The following FBXW4 variants were observed in gnomAD, a reference collection of about 807,000 sequenced individuals.
FBXW4 encodes F-box/WD repeat-containing protein 4.
FBXW4 carries 40 observed loss-of-function variants against 61.8 expected under a neutral mutation model. The ratio of observed to expected loss-of-function variants is 0.65; its 90% confidence interval spans 0.50 to 0.84. The LOEUF is 0.84. Ranked by LOEUF, FBXW4 falls within the 40% of genes least tolerant of loss-of-function variation. FBXW4 has a pLI of 0.00. For missense variants in FBXW4, 672 were observed against 753.8 expected, an observed-to-expected ratio of 0.89 and a Z score of 1.27; for synonymous variants, 311 against 313.8, an observed-to-expected ratio of 0.99 and a Z score of 0.10.
At chr10:101,639,522 T>G (rs2064033513) in intron 5 of FBXW4, among the ~76,000 whole-genome samples, 1 of 152,224 alleles carries the variant, frequency 6.6e-6, no homozygotes, top group Non-Finnish European at 1.5e-5. Context: ...AGACACCTAT[T>G]GTTCTGTGTG....
intron 5 of FBXW4, among the ~76,000 whole-genome samples, chr10:101,638,270 GT>G (rs765670779): frequency 4.6e-5 from 7 of 152,182 alleles, no homozygotes; most frequent in Admixed American, 2.0e-4. Flanking sequence ...GAATGCTGCA[GT>G]CAAAAAGAAC....
At chr10:101,656,685 T>C (rs578156188) in intron 5 of FBXW4, among the ~76,000 whole-genome samples, 3 of 152,290 alleles carry the variant, frequency 2.0e-5, no homozygotes, top group Admixed American at 2.0e-4. Context: ...ATGGCTTTGC[T>C]GTGGGAAGGA....
At chr10:101,622,543 C>G (rs1035750253) in intron 6 of FBXW4, among the ~76,000 whole-genome samples, 6 of 151,838 alleles carry the variant, frequency 4.0e-5, no homozygotes, top group Admixed American at 1.3e-4. Context: ...CTGGCTAACA[C>G]AGTGAAATCC....
chr10:101,616,809 T>A (rs986027095), intron 6 of FBXW4, among the ~76,000 whole-genome samples: 6 of 152,242 alleles, frequency 3.9e-5, no homozygotes, highest in African/African-American at 1.2e-4. Context: ...CAGACAGCCA[T>A]GAGGCTTTTG....
intron 4 of FBXW4, among the ~76,000 whole-genome samples, chr10:101,672,002 G>A (rs2064362067): frequency 6.6e-6 from 1 of 152,142 alleles, no homozygotes; most frequent in Non-Finnish European, 1.5e-5. Context: ...TCACCAGAGG[G>A]TACATGCAGT....
intron 5 of FBXW4, among the ~76,000 whole-genome samples, chr10:101,635,679 G>A (rs2063995149): frequency 5.3e-5 from 8 of 151,886 alleles, no homozygotes; most frequent in Admixed American, 5.2e-4. Context: ...TACAAAATAT[G>A]AAAAAAATTA....
chr10:101,694,926 G>C lies in FBXW4; in HGVS notation c.180C>G (p.Pro60=). 2 of 1,239,118 alleles carry C rather than the reference G, an allele frequency of 1.6e-6. No individual in the cohort carries two copies. The highest frequency in any genetic ancestry group is 2.0e-6 in the Non-Finnish European group (2 of 992,112). The allele number at this position is 1,239,118 out of a possible 1,614,324, so 76.8% of individuals were successfully genotyped here. ...CTGCCTCCTTCGCCGTCTGCGGCCC[G>C]GGCTTCCCTTCCGCCCCGCTTCCTC... ...GGRGSGAEGK[P]GPQTAKEAAG... is the part of the protein sequence containing the mutation. Residue 60 remains proline, a synonymous_variant, in exon 1 of 9, where the codon CCC becomes CCG. Coordinates refer to ENST00000331272, the MANE Select transcript of FBXW4 (RefSeq NM_022039.4). This position sits in a 1 kb window ranked among gnomAD's most constrained non-coding sequence, Gnocchi z 6.0.
At chr10:101,624,990 G>A (rs1320224917) in intron 5 of FBXW4, 180 bp from the exon 6 acceptor site, 3 of 681,502 alleles carry the variant, frequency 4.4e-6, no homozygotes, top group Non-Finnish European at 7.8e-6. Flanking sequence ...CACTGTGAGG[G>A]GTGTAGCCCC....
intron 5 of FBXW4, among the ~76,000 whole-genome samples, chr10:101,641,512 C>G (rs1159148420): frequency 6.6e-6 from 1 of 152,082 alleles, no homozygotes; most frequent in African/African-American, 2.4e-5. Flanking sequence ...ATAAATCTGA[C>G]TATAGGAGCA....
chr10:101,640,002 CG>C (rs2064037348), intron 5 of FBXW4, among the ~76,000 whole-genome samples: 2 of 152,198 alleles, frequency 1.3e-5, no homozygotes, highest in African/African-American at 4.8e-5. Context: ...AGTAACTGCT[CG>C]GCTTCTCACC....
At chr10:101,643,735 C>G (rs185264109) in intron 5 of FBXW4, among the ~76,000 whole-genome samples, 1 of 152,200 alleles carries the variant, frequency 6.6e-6, no homozygotes, top group Non-Finnish European at 1.5e-5. Flanking sequence ...CTGTCCCTCC[C>G]TCTTCCCTCC....
chr10:101,673,168 T>C (rs1249990517), intron 3 of FBXW4, 121 bp from the exon 4 acceptor site: 2 of 1,260,048 alleles, frequency 1.6e-6, no homozygotes, highest in African/African-American at 3.0e-5. Context: ...CATTAGACAA[T>C]TCAGCCCAGT....
Position 101,621,353 on chromosome 10 carries a change from C to A in FBXW4, c.1301+3392G>T, listed in dbSNP as rs2063865513. Reference sequence around the variant, plus strand: ...ACCAGCCTGGGCAACATAGCGAGACCTTGTCTCTACAAAAAAATTTAAAAG... The same window carrying A: ...ACCAGCCTGGGCAACATAGCGAGACATTGTCTCTACAAAAAAATTTAAAAG... On this transcript the variant is annotated intron_variant, in intron 6 of 8. Transcript: ENST00000331272. 2.0e-5 allele frequency among the ~76,000 whole-genome samples: 3 copies of A among 152,308 alleles called. No individual in the cohort carries two copies. In the South Asian group the frequency reaches 6.2e-4, roughly 32 times the overall value.
At chr10:101,615,124 C>A (rs1589736732) in intron 6 of FBXW4, among the ~76,000 whole-genome samples, 1 of 152,274 alleles carries the variant, frequency 6.6e-6, no homozygotes, top group East Asian at 1.9e-4. Context: ...CAAATTCAGA[C>A]ATTTCACCCC....
intron 1 of FBXW4, among the ~76,000 whole-genome samples, chr10:101,692,551 T>C (rs975424341): frequency 1.3e-5 from 2 of 151,732 alleles, no homozygotes; most frequent in Non-Finnish European, 2.9e-5. Flanking sequence ...AGGTCGGCAG[T>C]TCGAGACCAA....
intron 5 of FBXW4, among the ~76,000 whole-genome samples, chr10:101,650,778 G>A (rs1370564019): frequency 6.6e-6 from 1 of 152,144 alleles, no homozygotes; most frequent in Non-Finnish European, 1.5e-5. Flanking sequence ...AAGACTTGAG[G>A]CCCCCCAGCC....
At chr10:101,682,272 A>T (rs186387383) in intron 1 of FBXW4, among the ~76,000 whole-genome samples, 6 of 152,344 alleles carry the variant, frequency 3.9e-5, no homozygotes, top group African/African-American at 1.2e-4. Flanking sequence ...TACACATGTT[A>T]AGGCTAAAAT....
At chr10:101,652,908 C>T (rs898761073) in intron 5 of FBXW4, among the ~76,000 whole-genome samples, 1 of 152,154 alleles carries the variant, frequency 6.6e-6, no homozygotes. Flanking sequence ...TTTCTCCTTG[C>T]TCCACTGTCT....
chr10:101,679,434 C>T (rs1256292885), intron 1 of FBXW4, among the ~76,000 whole-genome samples: 3 of 152,030 alleles, frequency 2.0e-5, no homozygotes, highest in African/African-American at 7.2e-5. Context: ...CAATAAGCAA[C>T]TGTCTTTGAT....
Sources: gnomAD v4.1 joint callset for allele counts (sites outside exome capture counted in the v4.1 genomes callset) on GRCh38, gnomAD v4.1.1 for gene constraint, Gnocchi (gnomAD v3.1) non-coding constraint, MANE v1.5 for transcripts, NCBI Gene and HGNC (gene_info 2026-07-23, HGNC 2026-07-21) for gene names.